ROBO2: variants seen among roughly 807,000 people sequenced by gnomAD.
ROBO2 encodes roundabout homolog 2.
A neutral mutation model predicts 160.8 loss-of-function variants in ROBO2; 53 were observed. The observed-to-expected ratio is 0.33, with a 90% CI of 0.26 to 0.41. The LOEUF is 0.41. Among genes scored for constraint, ROBO2 ranks in the 10% least tolerant of loss-of-function variants. The pLI, the probability that ROBO2 is intolerant of heterozygous loss-of-function variation, is 1.00. For missense variants in ROBO2, 1,577 were observed against 1,722.4 expected (o/e 0.92, Z 1.49); for synonymous variants, 664 against 611.7 (o/e 1.09, Z -1.26).
intron 2 of ROBO2, among the ~76,000 whole-genome samples, chr3:76,792,883 CAT>C (rs1372343294): frequency 6.6e-6 from 1 of 151,708 alleles, no homozygotes; most frequent in Non-Finnish European, 1.5e-5. Flanking sequence ...TCTCATATGT[CAT>C]AAAGTTTTTG....
intron 2 of ROBO2, among the ~76,000 whole-genome samples, chr3:77,422,412 C>G (rs537391110): frequency 6.6e-6 from 1 of 152,206 alleles, no homozygotes; most frequent in Admixed American, 6.5e-5. Flanking sequence ...ATCTTTGCAT[C>G]CCAGACGGCT....
chr3:76,796,502 AAG>A (rs2063708786), intron 2 of ROBO2, among the ~76,000 whole-genome samples: 1 of 123,190 alleles, frequency 8.1e-6, no homozygotes, highest in African/African-American at 4.0e-5. Context: ...GAAGGAAGGA[AAG>A]AAGGAAAGAA....
intron 2 of ROBO2, among the ~76,000 whole-genome samples, chr3:76,949,699 A>G (rs887952643): frequency 6.6e-6 from 1 of 152,162 alleles, no homozygotes; most frequent in Non-Finnish European, 1.5e-5. Flanking sequence ...TGTTTACCTC[A>G]TGGTATTTAA....
At chr3:77,649,762 G>C (rs2095436372) in exon 26 of ROBO2, 1 of 152,070 alleles carries the variant, frequency 6.6e-6, no homozygotes, top group Admixed American at 6.6e-5. Context: ...GCCGTGGGTA[G>C]ACTTTTTATA....
At chr3:77,400,297 A>G (rs1156707357) in intron 2 of ROBO2, among the ~76,000 whole-genome samples, 1 of 152,212 alleles carries the variant, frequency 6.6e-6, no homozygotes, top group Non-Finnish European at 1.5e-5. Context: ...AAACAGAGCT[A>G]TTAAAATGTT....
chr3:77,254,190 A>C (rs2090681212), intron 2 of ROBO2, among the ~76,000 whole-genome samples: 1 of 152,216 alleles, frequency 6.6e-6, no homozygotes, highest in Non-Finnish European at 1.5e-5. Flanking sequence ...GCTTGAGCCC[A>C]GGAGCAGTTA....
rs75892082 is a variant in ROBO2, at chr3:76,738,762, A to C, written c.110-359252A>C. ...TAGACAAGTGTTTTCTGTGAAGGAAAAGAAATAGTGCAAAATCTCATGATA... is the reference window on the plus strand; with the variant it reads ...TAGACAAGTGTTTTCTGTGAAGGAACAGAAATAGTGCAAAATCTCATGATA... On this transcript the variant is annotated intron_variant, in intron 2 of 26. Coordinates refer to the ROBO2 transcript ENST00000487694. 2.6e-4 allele frequency among the ~76,000 whole-genome samples: 40 copies of C among 152,350 alleles called. No individual in the cohort carries two copies. In the East Asian group the frequency reaches 7.7e-3, roughly 29 times the overall value.
Position 76,118,144 on chromosome 3 carries a change from A to T in ROBO2, c.109+180542A>T, listed in dbSNP as rs763232718. On this transcript the variant is annotated intron_variant, in intron 2 of 26. Coordinates refer to the ROBO2 transcript ENST00000487694. ...TGTACCCTAGAACTTAAAGTATAAT[A>T]AAACAAAGACACCAATTTGAAAAGA... is the stretch of plus-strand genomic sequence containing the variant. Among the ~76,000 whole-genome samples, 16 of 150,480 alleles carry T rather than the reference A, an allele frequency of 1.1e-4. No homozygotes were observed. The South Asian group carries it at 1.7e-3, about 16-fold the overall frequency.
At chr3:77,254,764 A>G (rs1183034417) in intron 2 of ROBO2, among the ~76,000 whole-genome samples, 2 of 152,204 alleles carry the variant, frequency 1.3e-5, no homozygotes, top group African/African-American at 4.8e-5. Flanking sequence ...TTATTTAACC[A>G]TTATTTCCAT....
At chr3:77,609,112 G>A (rs563401367) in intron 21 of ROBO2, among the ~76,000 whole-genome samples, 120 of 151,260 alleles carry the variant, frequency 7.9e-4, no homozygotes, top group African/African-American at 2.8e-3. Flanking sequence ...ACACATACGC[G>A]AATATTTTTT....
intron 2 of ROBO2, among the ~76,000 whole-genome samples, chr3:76,574,178 T>C (rs1442836802): frequency 1.3e-5 from 2 of 152,090 alleles, no homozygotes; most frequent in Non-Finnish European, 2.9e-5. Context: ...AACTATGAAA[T>C]AAACCAATTA....
At chr3:77,422,919 G>T (rs987838032) in intron 2 of ROBO2, among the ~76,000 whole-genome samples, 7 of 152,114 alleles carry the variant, frequency 4.6e-5, no homozygotes, top group Non-Finnish European at 8.8e-5. Flanking sequence ...GCAATCATTT[G>T]GTCTTTTATG....
intron 2 of ROBO2, among the ~76,000 whole-genome samples, chr3:76,293,978 G>T (rs145638233): frequency 2.0e-5 from 3 of 152,208 alleles, no homozygotes; most frequent in African/African-American, 7.2e-5. Flanking sequence ...ACCACCCTCG[G>T]TCCCCACTCA....
At chr3:76,181,280 A>C (rs1005796326) in intron 2 of ROBO2, among the ~76,000 whole-genome samples, 11 of 152,182 alleles carry the variant, frequency 7.2e-5, no homozygotes, top group African/African-American at 2.4e-4. Context: ...TGTAAGAAAT[A>C]AAGGAGTGTT....
chr3:77,141,627 G>A (rs968877264), intron 2 of ROBO2, among the ~76,000 whole-genome samples: 7 of 152,182 alleles, frequency 4.6e-5, no homozygotes, highest in African/African-American at 1.7e-4. Flanking sequence ...AATCTGGACT[G>A]CCTGTGCATC....
Position 77,468,931 on chromosome 3 carries a change from TTC to T in ROBO2, c.389-8481_389-8480del, listed in dbSNP as rs1582211444. On this transcript the variant is annotated intron_variant, in intron 2 of 25. Coordinates refer to ENST00000461745, the Ensembl canonical transcript of ROBO2. ...CCCGGATGTCTCCCCACTGAGTTCT[TTC>T]TTTCCCATTCCCCTTCTGTGCAGAA... Among the ~76,000 whole-genome samples, 4 of 152,222 alleles carry T rather than the reference TTC, an allele frequency of 2.6e-5. No homozygotes were observed. The East Asian group carries it at 5.8e-4, about 22-fold the overall frequency.
At chr3:77,378,836 T>C (rs911896447) in intron 2 of ROBO2, among the ~76,000 whole-genome samples, 61 of 152,260 alleles carry the variant, frequency 4.0e-4, no homozygotes, top group Non-Finnish European at 1.3e-4. Context: ...TTACTTAAGA[T>C]CCATTCAATT....
At chr3:77,416,330 C>T (rs916277165) in intron 2 of ROBO2, among the ~76,000 whole-genome samples, 1 of 152,116 alleles carries the variant, frequency 6.6e-6, no homozygotes, top group African/African-American at 2.4e-5. Flanking sequence ...TGGTAGTGGA[C>T]TCCCCTCAGA....
At chr3:76,535,357 C>T (rs1380530278) in intron 2 of ROBO2, among the ~76,000 whole-genome samples, 1 of 152,082 alleles carries the variant, frequency 6.6e-6, no homozygotes, top group East Asian at 1.9e-4. Context: ...CGAATGATAA[C>T]AGCTTTAGTC....
Sources: allele counts gnomAD v4.1 joint callset (sites outside exome capture counted in the v4.1 genomes callset), GRCh38; gene constraint gnomAD v4.1.1; transcripts MANE v1.5; gene names NCBI Gene and HGNC (gene_info 2026-07-23, HGNC 2026-07-21).